Variants in ITPR1 observed in about 807,000 individuals in gnomAD.
The protein encoded by ITPR1 is inositol 1,4,5-trisphosphate receptor type 1.
Under a neutral mutation model 318.4 loss-of-function variants are expected in ITPR1, and 96 were observed. That is an observed-to-expected ratio of 0.30 (90% CI 0.26 to 0.36). The LOEUF (loss-of-function observed/expected upper bound fraction) is 0.36, where lower values mean the gene tolerates loss of function less well. ITPR1 is among the 10% of genes least tolerant of loss of function. ITPR1 has a pLI of 1.00. For synonymous variants in ITPR1, 1,312 were observed against 1,289.9 expected, an observed-to-expected ratio of 1.02 and a Z score of -0.37; for missense variants, 2,440 against 3,460.2, an observed-to-expected ratio of 0.71 and a Z score of 7.40.
intron 26 of ITPR1, among the ~76,000 whole-genome samples, chr3:4,681,967 A>G (rs2094311581): frequency 6.6e-6 from 1 of 152,228 alleles, no homozygotes; most frequent in African/African-American, 2.4e-5. Context: ...ATAATTATGG[A>G]ACTCTTATAC....
intron 4 of ITPR1, among the ~76,000 whole-genome samples, chr3:4,624,670 C>CAAAAA (rs1161664837): frequency 5.5e-5 from 4 of 72,504 alleles, no homozygotes; most frequent in African/African-American, 1.7e-4. Context: ...GCTCTGTCTC[C>CAAAAA]AAAAAAAAAA....
intron 4 of ITPR1, among the ~76,000 whole-genome samples, chr3:4,545,572 A>G (rs406909): frequency 0.84 from 123,865 of 148,066 alleles, 52,732 homozygotes; most frequent in Non-Finnish European, 0.92. Flanking sequence ...GAAGTGAGCC[A>G]TGACTGTGCC....
At chr3:4,709,868 A>T (rs2041223638) in intron 37 of ITPR1, among the ~76,000 whole-genome samples, 1 of 152,234 alleles carries the variant, frequency 6.6e-6, no homozygotes, top group Non-Finnish European at 1.5e-5. Flanking sequence ...GAAAATCAGA[A>T]TCACCTGTAA....
At chr3:4,574,384 G>C (rs2088392492) in intron 4 of ITPR1, among the ~76,000 whole-genome samples, 1 of 152,198 alleles carries the variant, frequency 6.6e-6, no homozygotes, top group African/African-American at 2.4e-5. Flanking sequence ...GCCGGAAATG[G>C]ATTTTAAAGC....
chr3:4,748,129 T>A (rs2044240152), intron 44 of ITPR1, among the ~76,000 whole-genome samples: 1 of 152,048 alleles, frequency 6.6e-6, no homozygotes, highest in Non-Finnish European at 1.5e-5. Context: ...GGAAACTGAG[T>A]CTGAAAAAAG....
chr3:4,543,440 T>TCAAAA (rs1013940230), intron 4 of ITPR1, among the ~76,000 whole-genome samples: 2 of 151,768 alleles, frequency 1.3e-5, no homozygotes, highest in Admixed American at 6.6e-5. Flanking sequence ...CAAAAACAAA[T>TCAAAA]CAAAACAAAA....
chr3:4,534,558 G>C (rs755805815), intron 4 of ITPR1, among the ~76,000 whole-genome samples: 1 of 152,184 alleles, frequency 6.6e-6, no homozygotes, highest in African/African-American at 2.4e-5. Flanking sequence ...GGTCAGTGTA[G>C]AAAAACTCCA....
At chr3:4,643,011 A>G (rs946923433) in intron 7 of ITPR1, among the ~76,000 whole-genome samples, 2 of 152,206 alleles carry the variant, frequency 1.3e-5, no homozygotes, top group Non-Finnish European at 1.5e-5. Flanking sequence ...ACTGGTTTTG[A>G]CACTTTTTAA....
At chr3:4,801,618 G>T (rs899151733) in intron 54 of ITPR1, among the ~76,000 whole-genome samples, 1 of 152,034 alleles carries the variant, frequency 6.6e-6, no homozygotes, top group Non-Finnish European at 1.5e-5. Context: ...ACAAAAATTA[G>T]CTGGGTTTGG....
At chr3:4,550,360 G>A (rs17040896) in intron 4 of ITPR1, among the ~76,000 whole-genome samples, 7,501 of 152,236 alleles carry the variant, frequency 0.049, 600 homozygotes, top group African/African-American at 0.17. Flanking sequence ...CTTGGTGACC[G>A]TCCAACCCAC....
At chr3:4,679,707 G>C (rs1228296446) in intron 24 of ITPR1, among the ~76,000 whole-genome samples, 1 of 152,172 alleles carries the variant, frequency 6.6e-6, no homozygotes, top group Non-Finnish European at 1.5e-5. Flanking sequence ...AGGTGTCCTT[G>C]AACCCAGTCA....
chr3:4,733,013 T>G (rs1243627608), intron 42 of ITPR1, 75 bp from the exon 43 acceptor site: 7 of 1,440,862 alleles, frequency 4.9e-6, no homozygotes, highest in African/African-American at 1.4e-5. Context: ...TGAGTACCCC[T>G]GTGTGTTTTG....
chr3:4,776,830 T>C (rs1463628099), intron 47 of ITPR1, among the ~76,000 whole-genome samples: 2 of 152,208 alleles, frequency 1.3e-5, no homozygotes, highest in Non-Finnish European at 2.9e-5. Context: ...ATTTTGATAT[T>C]GTGTGCCTTA....
At chr3:4,774,510 C>A (rs1364597183) in intron 46 of ITPR1, among the ~76,000 whole-genome samples, 1 of 152,204 alleles carries the variant, frequency 6.6e-6, no homozygotes, top group East Asian at 1.9e-4. Context: ...TTTTTAAGAA[C>A]AGATGACTGG....
intron 40 of ITPR1, chr3:4,724,434 C>T (rs1190018698): frequency 6.6e-6 from 1 of 152,302 alleles, no homozygotes; most frequent in South Asian, 2.1e-4. Flanking sequence ...ATGCTTTCAA[C>T]ACCAGCCCTG....
chr3:4,592,745 G>T (rs1202657518), intron 4 of ITPR1, among the ~76,000 whole-genome samples: 1 of 152,162 alleles, frequency 6.6e-6, no homozygotes. Context: ...GAATGTCTTT[G>T]CCCTGTTTCT....
Position 4,683,677 on chromosome 3 carries a change from A to G in ITPR1, c.3377A>G (p.Lys1126Arg), listed in dbSNP as rs765419304. The G allele has an allele frequency of 3.7e-6, 6 of 1,613,964 alleles. No homozygotes were observed. The highest frequency in any genetic ancestry group is 2.2e-5 in the East Asian group (1 of 44,896). ...SQDVDNYKQI[K>R]QDLDQLRSIV... is the part of the protein sequence containing the mutation. The stretch of plus-strand genomic sequence containing the variant: ...GATGTGGACAACTACAAACAGATCA[A>G]ACAAGACTTGGATCAACTGAGGTCC... Residue 1126 changes from lysine (K) to arginine (R), a missense_variant, in exon 28 of 62, where the codon AAA becomes AGA. Lys to Arg is a conservative substitution (Grantham distance 26, BLOSUM62 2). Around this residue, in one of 23 missense-constraint regions of ITPR1, gnomAD observed 76 missense variants for 132.2 expected, o/e 0.58. Coordinates refer to ENST00000649015, the MANE Select transcript of ITPR1 (RefSeq NM_001378452.1).
intron 61 of ITPR1, among the ~76,000 whole-genome samples, chr3:4,844,228 C>G (rs1024060544): frequency 6.6e-6 from 1 of 151,006 alleles, no homozygotes; most frequent in African/African-American, 2.4e-5. Context: ...TCAAGTGATC[C>G]TCCCACTCTT....
intron 4 of ITPR1, among the ~76,000 whole-genome samples, chr3:4,590,174 CTTTTTTTTTTTTTT>C (rs10713337): frequency 1.1e-5 from 1 of 87,432 alleles, no homozygotes; most frequent in Admixed American, 1.3e-4. Flanking sequence ...CTTCGTCTTG[CTTTTTTTTTTTTTT>C]TTTTTTTGTC....
Sources: allele counts gnomAD v4.1 joint callset (sites outside exome capture counted in the v4.1 genomes callset), GRCh38; gene constraint gnomAD v4.1.1; regional missense constraint gnomAD v4.1.1; transcripts MANE v1.5; gene names NCBI Gene and HGNC (gene_info 2026-07-23, HGNC 2026-07-21).